Variants in PEAR1 observed in about 807,000 individuals in gnomAD.
The protein encoded by PEAR1 is platelet endothelial aggregation receptor 1.
PEAR1 carries 113 observed loss-of-function variants against 131.2 expected under a neutral mutation model. The ratio of observed to expected loss-of-function variants is 0.86; its 90% confidence interval spans 0.74 to 1.01. PEAR1 has a LOEUF of 1.01. PEAR1 is among the 50% of genes least tolerant of loss of function. The pLI, the probability that PEAR1 is intolerant of heterozygous loss-of-function variation, is 0.00. For missense variants in PEAR1, 1,408 were observed against 1,391.1 expected (o/e 1.01, Z -0.19); for synonymous variants, 565 against 523.3 (o/e 1.08, Z -1.09).
rs369880466 is a variant in PEAR1, at chr1:156,912,474, C to T, written c.2081-20C>T. On this transcript the variant is annotated intron_variant, in intron 16 of 22. Transcript: ENST00000292357. ...CCTGGCGGCTCTGATGCCGGCCTGC[C>T]TCCTTGGCTGTCTCCCCAGGCTGCC... is the stretch of plus-strand genomic sequence containing the variant. The T allele has an allele frequency of 1.9e-6, 3 of 1,609,910 alleles. No homozygotes were observed. Among genetic ancestry groups the T allele is most frequent in the South Asian group, 1.1e-5 (1 of 90,444 alleles).
In PEAR1 at chr1:156,909,832, A is replaced by G. The variant is rs767699063; in HGVS notation, c.1493A>G (p.His498Arg). 3 of 1,613,964 alleles carry G rather than the reference A, an allele frequency of 1.9e-6. No individual in the cohort carries two copies. In the South Asian group the frequency reaches 3.3e-5, roughly 18 times the overall value. The change falls in exon 12 of 23, where the codon CAT becomes CGT. Residue 498 changes from histidine to arginine, a missense_variant. Physicochemically the swap from His to Arg is conservative, Grantham distance 29. Transcript: ENST00000292357. ...FSCNASCQCA[H>R]EAVCSPQTGA... Reference sequence around the variant, plus strand: ...TGCAATGCCAGCTGCCAGTGTGCCCATGAGGCAGTCTGCAGCCCCCAAACT... The same window carrying G: ...TGCAATGCCAGCTGCCAGTGTGCCCGTGAGGCAGTCTGCAGCCCCCAAACT...
chr1:156,914,786 C>A lies in PEAR1; in HGVS notation c.3102C>A (p.Arg1034=). 1 of 1,613,900 alleles carries A rather than the reference C, an allele frequency of 6.2e-7. No individual in the cohort carries two copies. The highest frequency in any genetic ancestry group is 1.1e-5 in the South Asian group (1 of 91,030). Residue 1034 remains arginine (R), a synonymous_variant, in exon 23 of 23, where the codon CGC becomes CGA. Coordinates refer to ENST00000292357, the MANE Select transcript of PEAR1 (RefSeq NM_001080471.3). ...VRHPPSPPLR[R]QDR ...ATCCCCCATCACCTCCACTTCGACG[C>A]CAGGACCGTTGAGGAGCCAGGATGG...
intron 1 of PEAR1, among the ~76,000 whole-genome samples, chr1:156,903,102 T>G (rs994428654): frequency 2.0e-5 from 3 of 152,078 alleles, no homozygotes; most frequent in Admixed American, 2.0e-4. Flanking sequence ...CCATGCCTGA[T>G]TTCAAGCTAC....
Position 156,906,841 on chromosome 1 carries a change from C to G in PEAR1, c.605C>G (p.Thr202Ser). 6.2e-7 allele frequency: 1 copy of G among 1,614,172 alleles called. No individual in the cohort carries two copies. Among genetic ancestry groups the G allele is most frequent in the Non-Finnish European group, 8.5e-7 (1 of 1,180,032 alleles). Residue 202 changes from threonine (T) to serine (S), a missense_variant, in exon 6 of 23, where the codon ACT becomes AGT. Thr to Ser is a moderately conservative substitution (Grantham distance 58). Coordinates refer to ENST00000292357, the MANE Select transcript of PEAR1 (RefSeq NM_001080471.3). ...CATGGGGCACCCTGCGATCCCCAGA[C>G]TGGAGCCTGCTTCTGCCCCGCAGAG... ...QCHGAPCDPQ[T>S]GACFCPAERT...
intron 3 of PEAR1, 179 bp from the exon 4 acceptor site, chr1:156,905,145 C>T (rs1165950812): frequency 3.4e-6 from 4 of 1,162,032 alleles, no homozygotes; most frequent in Non-Finnish European, 4.9e-6. Context: ...GCTCTGTCAC[C>T]CAGGCTGGAG....
intron 1 of PEAR1, among the ~76,000 whole-genome samples, chr1:156,901,501 C>CAAG (rs1250294631): frequency 3.3e-4 from 51 of 152,360 alleles, no homozygotes; most frequent in African/African-American, 1.2e-3. Flanking sequence ...CTCCTTCCTG[C>CAAG]AACAAGTTTT....
chr1:156,894,429 A>T (rs1648955941), intron 1 of PEAR1, among the ~76,000 whole-genome samples: 1 of 152,190 alleles, frequency 6.6e-6, no homozygotes, highest in Non-Finnish European at 1.5e-5. Flanking sequence ...AGATAAACAG[A>T]TTATCAGTGT....
In PEAR1 at chr1:156,912,609, A is replaced by G; in HGVS notation, c.2196A>G (p.Ala732=). The G allele has an allele frequency of 1.2e-6, 2 of 1,613,602 alleles. No homozygotes were observed. Among genetic ancestry groups the G allele is most frequent in the Non-Finnish European group, 1.7e-6 (2 of 1,179,844 alleles). ...ACVCPPGHSG[A]PCRIGIQEPF... is the part of the protein sequence containing the mutation. ...TATGTCCCCCAGGGCACAGTGGTGC[A>G]CCTTGCAGGATTGGTGAGTTCTTTG... Residue 732 remains alanine, a synonymous_variant, in exon 17 of 23, where the codon GCA becomes GCG. Transcript: ENST00000292357.
intron 14 of PEAR1, 66 bp from the exon 15 acceptor site, chr1:156,910,552 C>A (rs1650945522): frequency 1.3e-6 from 2 of 1,586,278 alleles, no homozygotes; most frequent in African/African-American, 1.3e-5. Context: ...GGGAGGGAGA[C>A]GGTGGGGTAA....
chr1:156,895,205 C>T (rs548479327), intron 1 of PEAR1, among the ~76,000 whole-genome samples: 1 of 152,336 alleles, frequency 6.6e-6, no homozygotes, highest in African/African-American at 2.4e-5. Flanking sequence ...CACCCTCTGT[C>T]CCCCCTCAAC....
intron 15 of PEAR1, among the ~76,000 whole-genome samples, chr1:156,911,093 C>CTTTCTTT (rs56231265): frequency 1.4e-5 from 1 of 74,064 alleles, no homozygotes; most frequent in Admixed American, 1.4e-4. Flanking sequence ...TTCTTTCTTT[C>CTTTCTTT]CTTTCTTTCT....
At chr1:156,914,406 T>C (rs1651649151) in intron 22 of PEAR1, among the ~76,000 whole-genome samples, 1 of 152,106 alleles carries the variant, frequency 6.6e-6, no homozygotes, top group African/African-American at 2.4e-5. Flanking sequence ...TGATAAAGTC[T>C]CCTCATATCC....
chr1:156,909,685 C>T, intron 11 of PEAR1, 66 bp from the exon 12 acceptor site: 5 of 1,534,026 alleles, frequency 3.3e-6, no homozygotes, highest in East Asian at 2.3e-5. Flanking sequence ...CCAGCCAGCT[C>T]CCACTGTGTG....
intron 22 of PEAR1, among the ~76,000 whole-genome samples, chr1:156,914,361 G>A (rs966679855): frequency 2.0e-5 from 3 of 152,192 alleles, no homozygotes; most frequent in Non-Finnish European, 4.4e-5. Flanking sequence ...CAGAGTGGTG[G>A]AGTTGGTACC....
chr1:156,894,897 G>A (rs967768375), intron 1 of PEAR1, among the ~76,000 whole-genome samples: 32 of 152,342 alleles, frequency 2.1e-4, no homozygotes, highest in Admixed American at 1.7e-3. Flanking sequence ...CTAGGGGGAC[G>A]GTTGGAGACG....
intron 15 of PEAR1, 137 bp from the exon 16 acceptor site, chr1:156,912,110 T>C: frequency 9.2e-7 from 1 of 1,081,624 alleles, no homozygotes; most frequent in East Asian, 2.7e-5. Flanking sequence ...GAGTCATTGG[T>C]TGCAGATACT....
At chr1:156,895,022 T>C (rs1213543915) in intron 1 of PEAR1, among the ~76,000 whole-genome samples, 1 of 152,182 alleles carries the variant, frequency 6.6e-6, no homozygotes, top group Non-Finnish European at 1.5e-5. Flanking sequence ...ATCTCCTGTG[T>C]CTCCTCCCTG....
rs1650619587 is a variant in PEAR1, at chr1:156,908,350, G to A, written c.1115+10G>A. 5 of 1,499,720 alleles carry A rather than the reference G, an allele frequency of 3.3e-6. No individual in the cohort carries two copies. The highest frequency in any genetic ancestry group is 2.4e-5 in the East Asian group (1 of 41,134). 92.9% of individuals were successfully genotyped at this position (1,499,720 alleles called of 1,614,324 possible). On this transcript the variant is annotated intron_variant, in intron 9 of 22. Transcript: ENST00000292357. This position sits in a 1 kb window ranked among gnomAD's most constrained non-coding sequence, Gnocchi z 4.2. ...GGGAGCACAGCCTCAGGTGGGCCGCGGGACATGTGGTCAAAGGATCAGGAG... is the reference window on the plus strand; with the variant it reads ...GGGAGCACAGCCTCAGGTGGGCCGCAGGACATGTGGTCAAAGGATCAGGAG...
chr1:156,906,199 T>G, intron 4 of PEAR1, 77 bp from the exon 5 acceptor site: 1 of 1,348,542 alleles, frequency 7.4e-7, no homozygotes, highest in Non-Finnish European at 1.1e-6. Context: ...TGGAGGAAGG[T>G]GGGGTTAGGC....
Sources: gnomAD v4.1 joint callset for allele counts (sites outside exome capture counted in the v4.1 genomes callset) on GRCh38, gnomAD v4.1.1 for gene constraint, Gnocchi (gnomAD v3.1) non-coding constraint, MANE v1.5 for transcripts, NCBI Gene and HGNC (gene_info 2026-07-23, HGNC 2026-07-21) for gene names.